SLC4A4: variants seen among roughly 807,000 people sequenced by gnomAD.
The protein encoded by SLC4A4 is solute carrier family 4 member 4, also known as electrogenic sodium bicarbonate cotransporter 1.
SLC4A4 carries 27 observed loss-of-function variants against 111.5 expected under a neutral mutation model. The ratio of observed to expected loss-of-function variants is 0.24; its 90% confidence interval spans 0.18 to 0.33. The LOEUF (loss-of-function observed/expected upper bound fraction) is 0.33, where lower values mean the gene tolerates loss of function less well. SLC4A4 is among the 10% of genes least tolerant of loss of function. SLC4A4 has a pLI of 1.00. For missense variants in SLC4A4, 909 were observed against 1,315.5 expected (o/e 0.69, Z 4.78); for synonymous variants, 443 against 463.4 (o/e 0.96, Z 0.57).
intron 1 of SLC4A4, among the ~76,000 whole-genome samples, chr4:71,228,244 A>G (rs1011719440): frequency 2.2e-4 from 33 of 152,250 alleles, no homozygotes; most frequent in Middle Eastern, 3.4e-3. Flanking sequence ...AAGTCAATCA[A>G]CAATCTGAAG....
intron 3 of SLC4A4, among the ~76,000 whole-genome samples, chr4:71,325,167 G>A (rs1727410562): frequency 6.6e-6 from 1 of 151,768 alleles, no homozygotes; most frequent in Non-Finnish European, 1.5e-5. Flanking sequence ...TTCTGGATTG[G>A]TTGGGGTAAA....
chr4:71,145,102 ATTATTT>A (rs1744126310), intron 2 of SLC4A4, among the ~76,000 whole-genome samples: 1 of 152,166 alleles, frequency 6.6e-6, no homozygotes, highest in Non-Finnish European at 1.5e-5. Flanking sequence ...GATAACTCTT[ATTATTT>A]TGAGATACGT....
intron 6 of SLC4A4, among the ~76,000 whole-genome samples, chr4:71,358,846 A>C (rs1730512659): frequency 6.6e-6 from 1 of 152,234 alleles, no homozygotes; most frequent in Non-Finnish European, 1.5e-5. Flanking sequence ...TATGGCAATT[A>C]AAGTTGAAGC....
intron 14 of SLC4A4, among the ~76,000 whole-genome samples, chr4:71,482,683 C>T (rs1728991673): frequency 1.3e-5 from 2 of 151,602 alleles, no homozygotes. Flanking sequence ...CAACACTATC[C>T]AAATAGTATC....
chr4:71,251,107 T>C (rs879631121), intron 2 of SLC4A4, among the ~76,000 whole-genome samples: 4 of 152,224 alleles, frequency 2.6e-5, no homozygotes, highest in Non-Finnish European at 1.5e-5. Flanking sequence ...GAGGCATATG[T>C]TGTTAACCAT....
intron 1 of SLC4A4, among the ~76,000 whole-genome samples, chr4:71,075,263 C>T (rs1741779248): frequency 6.6e-6 from 1 of 152,142 alleles, no homozygotes; most frequent in South Asian, 2.1e-4. Flanking sequence ...GTTGTTCATC[C>T]GGACTAGTCT....
At chr4:71,281,930 T>C (rs536219512) in intron 3 of SLC4A4, among the ~76,000 whole-genome samples, 2 of 152,056 alleles carry the variant, frequency 1.3e-5, no homozygotes, top group South Asian at 4.1e-4. Context: ...CTTTCTTTTT[T>C]TTTTTTTTGG....
At chr4:71,094,744 G>T (rs1009705686) in intron 2 of SLC4A4, among the ~76,000 whole-genome samples, 2 of 152,112 alleles carry the variant, frequency 1.3e-5, no homozygotes, top group Non-Finnish European at 2.9e-5. Context: ...ACCAGAAGCT[G>T]GATGTTTTGT....
At chr4:71,098,532 T>C (rs1476514825) in intron 2 of SLC4A4, among the ~76,000 whole-genome samples, 1 of 152,134 alleles carries the variant, frequency 6.6e-6, no homozygotes, top group Non-Finnish European at 1.5e-5. Flanking sequence ...TTCATGTGAA[T>C]TTTAAAATAG....
intron 1 of SLC4A4, among the ~76,000 whole-genome samples, chr4:71,088,443 C>T (rs983576220): frequency 2.6e-5 from 4 of 151,996 alleles, no homozygotes; most frequent in Non-Finnish European, 5.9e-5. Flanking sequence ...TGGATCCTGT[C>T]ATCATGATGT....
chr4:71,326,605 C>G (rs2148873064), intron 3 of SLC4A4, among the ~76,000 whole-genome samples: 1 of 152,166 alleles, frequency 6.6e-6, no homozygotes, highest in Admixed American at 6.5e-5. Context: ...GATTGTCATT[C>G]ATGCGAAGCA....
chr4:71,462,373 C>A (rs137986030), intron 12 of SLC4A4, among the ~76,000 whole-genome samples: 1 of 151,760 alleles, frequency 6.6e-6, no homozygotes, highest in Non-Finnish European at 1.5e-5. Context: ...TGCTGAGCCA[C>A]CTGGAAGAGA....
intron 8 of SLC4A4, among the ~76,000 whole-genome samples, chr4:71,441,608 C>T (rs1724721514): frequency 6.6e-6 from 1 of 151,976 alleles, no homozygotes; most frequent in Admixed American, 6.6e-5. Flanking sequence ...GCTATGAATC[C>T]TCCTCAGTGA....
chr4:71,462,198 C>A (rs1726894782), intron 12 of SLC4A4, among the ~76,000 whole-genome samples: 1 of 152,128 alleles, frequency 6.6e-6, no homozygotes, highest in Non-Finnish European at 1.5e-5. Flanking sequence ...AGACTCTGTT[C>A]TTAGCTCTTT....
At chr4:71,148,375 C>T (rs1744234195) in intron 2 of SLC4A4, among the ~76,000 whole-genome samples, 1 of 152,140 alleles carries the variant, frequency 6.6e-6, no homozygotes, top group Admixed American at 6.6e-5. Context: ...CCAAACCTTC[C>T]AAAGAAATTA....
At chr4:71,280,350 T>G (rs1723414212) in intron 3 of SLC4A4, among the ~76,000 whole-genome samples, 1 of 152,214 alleles carries the variant, frequency 6.6e-6, no homozygotes, top group Non-Finnish European at 1.5e-5. Context: ...ATTTCATAGG[T>G]TGCTTATTTT....
At chr4:71,497,428 C>T (rs1198300852) in intron 15 of SLC4A4, 73 bp from the exon 16 acceptor site, 3 of 1,219,846 alleles carry the variant, frequency 2.5e-6, no homozygotes, top group African/African-American at 3.0e-5. Context: ...ATTCCTATAG[C>T]TCATCAAGTA....
intron 18 of SLC4A4, among the ~76,000 whole-genome samples, chr4:71,535,080 G>T (rs1217250927): frequency 6.6e-6 from 1 of 152,086 alleles, no homozygotes; most frequent in Non-Finnish European, 1.5e-5. Context: ...AGTGAGATAT[G>T]AATGGTAACA....
rs191258803 is a variant in SLC4A4, at chr4:71,211,870, A to C, written c.-2+24469A>C. Among the ~76,000 whole-genome samples, 7 of 151,898 alleles carry C rather than the reference A, an allele frequency of 4.6e-5. No individual in the cohort carries two copies. The East Asian group carries it at 1.4e-3, about 29-fold the overall frequency. On this transcript the variant is annotated intron_variant, in intron 1 of 25. Transcript: ENST00000264485. ...GACTGTCAGGCCTGGAGTTGTGCAA[A>C]AATGAACTTTGGCTCTTGCAGCGAA...
Sources: gnomAD v4.1 joint callset for allele counts (sites outside exome capture counted in the v4.1 genomes callset) on GRCh38, gnomAD v4.1.1 for gene constraint, MANE v1.5 for transcripts, NCBI Gene and HGNC (gene_info 2026-07-23, HGNC 2026-07-21) for gene names.